GYPB: variants seen among roughly 807,000 people sequenced by gnomAD.
GYPB encodes glycophorin B (MNS blood group), also known as glycophorin-B.
GYPB carries 13 observed loss-of-function variants against 15.3 expected under a neutral mutation model. That is an observed-to-expected ratio of 0.85 (90% CI 0.55 to 1.35). The LOEUF (loss-of-function observed/expected upper bound fraction) is 1.35, where lower values mean the gene tolerates loss of function less well. Among genes scored for constraint, GYPB ranks in the 40% most tolerant of loss-of-function variants. The pLI, the probability that GYPB is intolerant of heterozygous loss-of-function variation, is 0.00. For synonymous variants in GYPB, 38 were observed against 36.9 expected (o/e 1.03, Z -0.11); for missense variants, 131 against 108.3 (o/e 1.21, Z -0.93).
At chr4:144,000,715 C>G (rs1453634698) in intron 2 of GYPB, among the ~76,000 whole-genome samples, 1 of 151,040 alleles carries the variant, frequency 6.6e-6, no homozygotes, top group African/African-American at 2.5e-5. Flanking sequence ...AACTTTTAGA[C>G]ACTTCTTCTT....
intron 1 of GYPB, among the ~76,000 whole-genome samples, chr4:144,002,022 T>C (rs1727656614): frequency 6.8e-6 from 1 of 147,970 alleles, no homozygotes; most frequent in Non-Finnish European, 1.5e-5. Context: ...AGAATGTAGA[T>C]TCACAAATAT....
chr4:144,013,796 A>G (rs1560715166), intron 1 of GYPB, among the ~76,000 whole-genome samples: 4 of 150,956 alleles, frequency 2.6e-5, no homozygotes, highest in Admixed American at 2.6e-4. Flanking sequence ...GGGAAGGGAT[A>G]GCATCGGGAG....
At chr4:144,001,047 T>A in intron 2 of GYPB, 138 bp downstream of exon 2, 1 of 1,433,324 alleles carries the variant, frequency 7.0e-7, no homozygotes, top group Non-Finnish European at 9.6e-7. Context: ...GAATTGTGTC[T>A]ACTTAGTAGG....
At chr4:144,008,171 C>A (rs1018791425) in intron 1 of GYPB, among the ~76,000 whole-genome samples, 9 of 151,602 alleles carry the variant, frequency 5.9e-5, no homozygotes, top group Admixed American at 2.6e-4. Flanking sequence ...TTCACACAGC[C>A]GCCAAGTGGC....
At chr4:144,004,663 C>A (rs1727803110) in intron 1 of GYPB, among the ~76,000 whole-genome samples, 1 of 150,930 alleles carries the variant, frequency 6.6e-6, no homozygotes, top group Non-Finnish European at 1.5e-5. Context: ...AATGCTAAAG[C>A]TTCATTCAAA....
Position 143,997,622 on chromosome 4 carries a change from A to G in GYPB, c.188T>C (p.Ile63Thr), listed in dbSNP as rs372874817. The G allele has an allele frequency of 1.3e-6, 2 of 1,568,828 alleles. No homozygotes were observed. Among genetic ancestry groups the G allele is most frequent in the Non-Finnish European group, 1.8e-6 (2 of 1,141,228 alleles). Reference sequence around the variant, plus strand: ...CATCACACACAAAATAATGAGTATTATCACTACAGGAGCTAAAGAGAGCAG... The same window carrying G: ...CATCACACACAAAATAATGAGTATTGTCACTACAGGAGCTAAAGAGAGCAG... ...HRFTVPAPVV[I>T]ILIILCVMAG... Residue 63 changes from isoleucine to threonine, a missense_variant, in exon 4 of 5, where the codon ATA (isoleucine) becomes ACA (threonine). Ile to Thr is a moderately conservative substitution (Grantham distance 89). Transcript: ENST00000502664.
At chr4:143,999,641 T>C (rs1229460453) in intron 2 of GYPB, among the ~76,000 whole-genome samples, 192 bp from the exon 3 acceptor site, 2 of 151,478 alleles carry the variant, frequency 1.3e-5, no homozygotes, top group Non-Finnish European at 2.9e-5. Flanking sequence ...AATTTCAGTA[T>C]CTACTTTTAA....
chr4:144,013,156 A>G (rs1002044461), intron 1 of GYPB, among the ~76,000 whole-genome samples: 1 of 151,420 alleles, frequency 6.6e-6, no homozygotes, highest in Admixed American at 6.6e-5. Flanking sequence ...CAGCCAAAAA[A>G]CACATGAAAA....
In GYPB at chr4:144,001,283, T is replaced by C. The variant is rs201662569; in HGVS notation, c.38A>G (p.Glu13Gly). 1.6e-6 allele frequency: 2 copies of C among 1,238,844 alleles called. No individual in the cohort carries two copies. The highest frequency in any genetic ancestry group is 2.3e-6 in the Non-Finnish European group (2 of 854,402). 76.7% of individuals were successfully genotyped at this position (1,238,844 alleles called of 1,614,324 possible). Residue 13 changes from glutamate (E) to glycine (G), a missense_variant and splice_region_variant, in exon 2 of 5, where the codon GAA becomes GGA. Coordinates refer to ENST00000502664, the MANE Select transcript of GYPB (RefSeq NM_002100.6). ...ACTTAATGCTGATATGCTCACAATT[T>C]CTGTATAAAATAGAAGTTGAGAAAG... Reference protein sequence around the residue: ...GKIIFVLLLSEIVSISALSTT... With the variant: ...GKIIFVLLLSGIVSISALSTT...
chr4:143,996,070 C>T (rs1727292435), downstream of GYPB: 3 of 1,240,622 alleles, frequency 2.4e-6, no homozygotes, highest in Middle Eastern at 2.9e-4. Context: ...TTAAACATAG[C>T]TTGAAATAAC....
At chr4:144,016,214 T>G (rs1419436294) in intron 1 of GYPB, among the ~76,000 whole-genome samples, 1 of 144,640 alleles carries the variant, frequency 6.9e-6, no homozygotes, top group Non-Finnish European at 1.5e-5. Context: ...CTCAGACTGA[T>G]GTACCTGCAG....
chr4:144,010,889 G>A (rs148304780), intron 1 of GYPB, among the ~76,000 whole-genome samples: 1,907 of 149,474 alleles, frequency 0.013, 154 homozygotes, highest in African/African-American at 0.045. Flanking sequence ...CAAGTAGGCT[G>A]TATACTTTAG....
At chr4:144,003,008 G>A (rs1167286839) in intron 1 of GYPB, among the ~76,000 whole-genome samples, 1 of 151,172 alleles carries the variant, frequency 6.6e-6, no homozygotes, top group Non-Finnish European at 1.5e-5. Flanking sequence ...TCAGCACTCA[G>A]GTATAATGGC....
chr4:144,019,345 C>G lies in GYPB; in HGVS notation c.-58G>C, dbSNP rs931788346. ...GCAAAAAAACTACCAAAGACAACTG[C>G]AAGTGTCAGTGTCTGGCCTTAGCCT... On this transcript the variant is annotated 5_prime_UTR_variant, in exon 1 of 5. Transcript: ENST00000502664. 6.2e-7 allele frequency: 1 copy of G among 1,611,254 alleles called. No individual in the cohort carries two copies. The highest frequency in any genetic ancestry group is 1.4e-5 in the African/African-American group (1 of 73,730).
chr4:143,996,999 G>A (rs4298094), intron 4 of GYPB, among the ~76,000 whole-genome samples: 2 of 150,260 alleles, frequency 1.3e-5, no homozygotes, highest in South Asian at 2.1e-4. Context: ...CTTGATTTCC[G>A]AGGCTCAAGC....
At chr4:144,011,059 AAGAC>A (rs1728191661) in intron 1 of GYPB, among the ~76,000 whole-genome samples, 1 of 151,602 alleles carries the variant, frequency 6.6e-6, no homozygotes, top group Admixed American at 6.6e-5. Flanking sequence ...TTTGTGTTAA[AAGAC>A]AGAAACTTTT....
At chr4:144,013,467 C>T (rs542270257) in intron 1 of GYPB, among the ~76,000 whole-genome samples, 5 of 151,258 alleles carry the variant, frequency 3.3e-5, no homozygotes, top group African/African-American at 1.2e-4. Flanking sequence ...AACACATGCA[C>T]ACGTATGTTT....
intron 1 of GYPB, among the ~76,000 whole-genome samples, chr4:144,015,132 T>G (rs1218780450): frequency 1.3e-5 from 2 of 151,490 alleles, no homozygotes; most frequent in Non-Finnish European, 2.9e-5. Flanking sequence ...AGAGATTGTG[T>G]TTGTTTGGTT....
At chr4:144,012,445 C>G (rs1368120234) in intron 1 of GYPB, 1 of 151,440 alleles carries the variant, frequency 6.6e-6, no homozygotes, top group Non-Finnish European at 1.5e-5. Context: ...TTAAAATGCG[C>G]ATAATTTTTT....
Sources: allele counts gnomAD v4.1 joint callset (sites outside exome capture counted in the v4.1 genomes callset), GRCh38; gene constraint gnomAD v4.1.1; transcripts MANE v1.5; gene names NCBI Gene and HGNC (gene_info 2026-07-23, HGNC 2026-07-21).